ZNF385D: variants seen among roughly 807,000 people sequenced by gnomAD.
The protein encoded by ZNF385D is zinc finger protein 659.
A neutral mutation model predicts 35.8 loss-of-function variants in ZNF385D; 15 were observed. The observed-to-expected ratio is 0.42, with a 90% CI of 0.28 to 0.64. ZNF385D has a LOEUF of 0.64. Among genes scored for constraint, ZNF385D ranks in the 30% least tolerant of loss-of-function variants. The pLI, the probability that ZNF385D is intolerant of heterozygous loss-of-function variation, is 0.23. For synonymous variants in ZNF385D, 212 were observed against 186.8 expected, an observed-to-expected ratio of 1.13 and a Z score of -1.10; for missense variants, 474 against 494.6, an observed-to-expected ratio of 0.96 and a Z score of 0.39.
At chr3:21,809,171 A>G (rs2072791480) in intron 3 of ZNF385D, among the ~76,000 whole-genome samples, 1 of 152,220 alleles carries the variant, frequency 6.6e-6, no homozygotes, top group African/African-American at 2.4e-5. Context: ...GCTAAGAAGG[A>G]TTTTAAAGTA....
chr3:21,870,137 G>C (rs1025098645), intron 3 of ZNF385D, among the ~76,000 whole-genome samples: 1 of 151,964 alleles, frequency 6.6e-6, no homozygotes, highest in African/African-American at 2.4e-5. Context: ...GGAAAAAATT[G>C]TATATAAATG....
chr3:21,453,431 A>C (rs960696433), intron 4 of ZNF385D, among the ~76,000 whole-genome samples: 1 of 152,054 alleles, frequency 6.6e-6, no homozygotes, highest in Non-Finnish European at 1.5e-5. Context: ...TGAGAAAACA[A>C]TCCATTAAAT....
intron 2 of ZNF385D, among the ~76,000 whole-genome samples, chr3:22,280,483 A>G (rs553281233): frequency 6.6e-6 from 1 of 151,872 alleles, no homozygotes; most frequent in African/African-American, 2.4e-5. Flanking sequence ...ATTCTTCTAC[A>G]TGTGGCTTGC....
intron 3 of ZNF385D, among the ~76,000 whole-genome samples, chr3:22,024,499 T>C (rs1697419195): frequency 6.6e-6 from 1 of 152,056 alleles, no homozygotes; most frequent in Non-Finnish European, 1.5e-5. Flanking sequence ...TGCTAAGGAC[T>C]CTACTTCTAA....
chr3:22,200,461 T>C (rs1696710518), intron 2 of ZNF385D, among the ~76,000 whole-genome samples: 1 of 151,938 alleles, frequency 6.6e-6, no homozygotes, highest in Non-Finnish European at 1.5e-5. Context: ...GTCACAGACA[T>C]CAAGTACTTC....
rs149563746 is a variant in ZNF385D, at chr3:21,664,995, A to T, written c.56T>A (p.Leu19His). The T allele has an allele frequency of 6.8e-6, 11 of 1,613,030 alleles. No homozygotes were observed. In the African/African-American group the frequency reaches 1.3e-4, roughly 20 times the overall value. ...CAAAGGAGGGGCTGGTGGACGGACA[A>T]GGGCCGGGAGAGCAGGACTCTGGCA... ...GTCQSPALPA[L>H]VRPPAPPLQP... Residue 19 changes from leucine (L) to histidine (H), a missense_variant, in exon 2 of 8, where the codon CTT becomes CAT. Physicochemically the swap from Leu to His is moderately conservative, Grantham distance 99 (BLOSUM62 -3). Transcript: ENST00000281523.
At chr3:21,864,791 G>T (rs1422481681) in intron 3 of ZNF385D, among the ~76,000 whole-genome samples, 1 of 151,794 alleles carries the variant, frequency 6.6e-6, no homozygotes, top group Non-Finnish European at 1.5e-5. Context: ...CTTACTAAGA[G>T]GTTTACTATT....
At chr3:21,706,295 G>C (rs1457580527) in intron 1 of ZNF385D, among the ~76,000 whole-genome samples, 2 of 151,466 alleles carry the variant, frequency 1.3e-5, no homozygotes, top group Non-Finnish European at 2.9e-5. Context: ...GCTTGATTGA[G>C]ATACAGTTCA....
intron 3 of ZNF385D, among the ~76,000 whole-genome samples, chr3:21,786,993 TTCTTGCCTGAAACCACACTTAAA>T (rs1225352963): frequency 2.0e-5 from 3 of 152,218 alleles, no homozygotes; most frequent in African/African-American, 7.2e-5. Flanking sequence ...TTTATCTTCA[TTCTTGCCTGAAACCACACTTAAA>T]TGACAAGGAA....
intron 4 of ZNF385D, chr3:21,441,850 G>T: frequency 2.4e-6 from 1 of 410,538 alleles, no homozygotes; most frequent in Non-Finnish European, 3.3e-6. Context: ...GACAATATAT[G>T]TGACAAGGAG....
At chr3:21,939,741 T>C (rs947561140) in intron 3 of ZNF385D, among the ~76,000 whole-genome samples, 2 of 152,208 alleles carry the variant, frequency 1.3e-5, no homozygotes, top group African/African-American at 2.4e-5. Context: ...CTTACTGTGA[T>C]TGTAGGCTGA....
intron 3 of ZNF385D, among the ~76,000 whole-genome samples, chr3:21,788,012 CAG>C (rs1394587774): frequency 1.5e-5 from 2 of 132,478 alleles, no homozygotes; most frequent in Non-Finnish European, 3.2e-5. Context: ...TTAATAACCT[CAG>C]AGAAGCAGAA....
intron 3 of ZNF385D, among the ~76,000 whole-genome samples, chr3:21,847,391 A>G (rs1275299796): frequency 6.6e-6 from 1 of 152,072 alleles, no homozygotes; most frequent in African/African-American, 2.4e-5. Context: ...TTAAAATAAG[A>G]AATATATCCA....
At chr3:22,276,894 A>G (rs539984814) in intron 2 of ZNF385D, among the ~76,000 whole-genome samples, 21 of 152,284 alleles carry the variant, frequency 1.4e-4, no homozygotes, top group African/African-American at 4.1e-4. Context: ...CTGAAAATAG[A>G]TAATATGAAT....
At position 21,425,477 on chromosome 3, in the gene ZNF385D, A is replaced by G. The variant is rs1287287373; in HGVS notation, c.852+15T>C. 1.3e-6 allele frequency: 2 copies of G among 1,570,268 alleles called. No homozygotes were observed. The highest frequency in any genetic ancestry group is 2.3e-5 in the East Asian group (1 of 43,494). On this transcript the variant is annotated intron_variant, in intron 6 of 7. Transcript: ENST00000281523. ...TCCCTTGTTGGTTTTCATTCCTAGA[A>G]TACGTGCTGTTTACCTGTTTAAGTT...
chr3:22,238,218 G>C, intron 2 of ZNF385D, among the ~76,000 whole-genome samples: 1 of 151,082 alleles, frequency 6.6e-6, no homozygotes, highest in Non-Finnish European at 1.5e-5. Flanking sequence ...CTTGTAGTAA[G>C]TTTTGCAATT....
intron 2 of ZNF385D, among the ~76,000 whole-genome samples, chr3:22,312,473 G>T (rs558825864): frequency 6.6e-6 from 1 of 151,864 alleles, no homozygotes; most frequent in Non-Finnish European, 1.5e-5. Flanking sequence ...GCAACCTACA[G>T]AATGGGAGAA....
At chr3:21,664,796 A>C (rs1473213587) in intron 2 of ZNF385D, 90 bp downstream of exon 2, 2 of 1,549,824 alleles carry the variant, frequency 1.3e-6, no homozygotes, top group East Asian at 4.5e-5. Flanking sequence ...AATATAGCAA[A>C]ATGGAGGCAG....
At chr3:21,664,338 G>A (rs1371981863) in intron 2 of ZNF385D, among the ~76,000 whole-genome samples, 1 of 152,040 alleles carries the variant, frequency 6.6e-6, no homozygotes, top group South Asian at 2.1e-4. Context: ...AGAAATATGA[G>A]AGTTAACTTG....
Sources: allele counts gnomAD v4.1 joint callset (sites outside exome capture counted in the v4.1 genomes callset), GRCh38; gene constraint gnomAD v4.1.1; transcripts MANE v1.5; gene names NCBI Gene and HGNC (gene_info 2026-07-23, HGNC 2026-07-21).